ZNF185: variants seen among roughly 807,000 people sequenced by gnomAD.
ZNF185 encodes the protein zinc finger protein 185.
ZNF185 carries 56 observed loss-of-function variants against 58.6 expected under a neutral mutation model. That is an observed-to-expected ratio of 0.95 (90% CI 0.77 to 1.19). The LOEUF is 1.19. Ranked by LOEUF, ZNF185 falls within the 50% of genes most tolerant of loss-of-function variation. ZNF185 has a pLI of 0.00. For missense variants in ZNF185, 627 were observed against 573.5 expected, an observed-to-expected ratio of 1.09 and a Z score of -0.95; for synonymous variants, 230 against 215.9, an observed-to-expected ratio of 1.07 and a Z score of -0.57.
Position 152,918,085 on chromosome X carries a change from C to G in ZNF185, c.362C>G (p.Thr121Arg), listed in dbSNP as rs374903038. Residue 121 changes from threonine (T) to arginine (R), a missense_variant, in exon 6 of 23, where the codon ACA becomes AGA. Physicochemically the swap from Thr to Arg is moderately conservative, Grantham distance 71 (BLOSUM62 -1). Coordinates refer to ENST00000449285, the Ensembl canonical transcript of ZNF185. ...TCTAGTGCTGCCAGTCTGGTGAGAA[C>G]AGCTAACGCTGGTCCTCCCCGCCCC... 2.0e-5 allele frequency: 24 copies of G among 1,189,924 alleles called. No individual in the cohort carries two copies. The African/African-American group carries it at 4.2e-4, about 21-fold the overall frequency.
At chrX:152,940,273 G>C (rs917337553) in intron 15 of ZNF185, among the ~76,000 whole-genome samples, 32 of 110,593 alleles carry the variant, frequency 2.9e-4, no homozygotes, top group Non-Finnish European at 5.7e-4. Context: ...TGCCCAGGGT[G>C]GTTCACTTAC....
chrX:152,922,363 G>A (rs1556870089), intron 10 of ZNF185, 107 bp downstream of exon 11: 1 of 726,460 alleles, frequency 1.4e-6, no homozygotes, highest in Non-Finnish European at 2.0e-6. Context: ...TTCGAGATCA[G>A]TGTCCCCATG....
intron 14 of ZNF185, among the ~76,000 whole-genome samples, chrX:152,937,837 G>C (rs2046514043): frequency 8.9e-6 from 1 of 112,390 alleles, no homozygotes; most frequent in Admixed American, 9.4e-5. Context: ...GGGAACCCAA[G>C]TTGGTCAGGG....
At chrX:152,963,839 G>T in exon 18 of ZNF185, 1 of 1,208,829 alleles carries the variant, frequency 8.3e-7, no homozygotes, top group Non-Finnish European at 1.1e-6. Context: ...TTTCTTTCAG[G>T]GTGAGGAGCC....
At chrX:152,973,171 C>T (rs1275310658) in exon 23 of ZNF185, 2 of 111,945 alleles carry the variant, frequency 1.8e-5, no homozygotes, top group African/African-American at 3.2e-5. Flanking sequence ...AGTCTCAGTG[C>T]AGGACCAGTG....
chrX:152,940,870 G>T (rs1213319918), intron 15 of ZNF185, among the ~76,000 whole-genome samples: 2 of 112,392 alleles, frequency 1.8e-5, no homozygotes, highest in East Asian at 2.8e-4. Context: ...ATTGCTTCAA[G>T]GAGTCTGTTT....
chrX:152,906,200 G>C, the ZNF185 span, among the ~76,000 whole-genome samples: 1 of 112,636 alleles, frequency 8.9e-6, no homozygotes, highest in South Asian at 3.7e-4. Flanking sequence ...AGGTATCTAA[G>C]CTGAGGGATC....
At chrX:152,927,904 G>C (rs782095083) in intron 11 of ZNF185, among the ~76,000 whole-genome samples, 22 of 112,430 alleles carry the variant, frequency 2.0e-4, no homozygotes, top group Non-Finnish European at 9.4e-5. Flanking sequence ...TGGGGTGAAG[G>C]GTCCACCCCC....
rs898574274 is a variant in ZNF185 at position 152,945,146 on chromosome X, C to T, written c.1212-121C>T. 31 of 815,572 alleles carry T rather than the reference C, an allele frequency of 3.8e-5. No homozygotes were observed. In the African/African-American group the frequency reaches 6.2e-4, roughly 16 times the overall value. 67.2% of individuals were successfully genotyped at this position (815,572 alleles called of 1,213,427 possible). On this transcript the variant is annotated intron_variant, in intron 15 of 22. Transcript: ENST00000449285. Reference sequence around the variant, plus strand: ...GGGCTGTGCCTGGCTCCTTTCTGCCCCGCTTTCAGGGATATGAGTCCCTCC... The same window carrying T: ...GGGCTGTGCCTGGCTCCTTTCTGCCTCGCTTTCAGGGATATGAGTCCCTCC...
chrX:152,969,481 TA>T lies in ZNF185; in HGVS notation c.1973del (p.Lys658SerfsTer41). 1 of 1,196,369 alleles carries T rather than the reference TA, an allele frequency of 8.4e-7. No homozygotes were observed. Among genetic ancestry groups the T allele is most frequent in the Non-Finnish European group, 1.1e-6 (1 of 885,221 alleles). On this transcript the variant is annotated frameshift_variant and splice_region_variant, in exon 21 of 23. Coordinates refer to ENST00000449285, the Ensembl canonical transcript of ZNF185. LOFTEE classifies it high-confidence loss of function. ...GTATCTGCTGCCATGAATATTGCTTTAAGGTAAAAAAGAGGTGGAAGACACC... is the reference window on the plus strand; with the variant it reads ...GTATCTGCTGCCATGAATATTGCTTTAGGTAAAAAAGAGGTGGAAGACACC...
chrX:152,965,346 C>T, intron 18 of ZNF185, 101 bp from the exon 21 acceptor site: 1 of 736,275 alleles, frequency 1.4e-6, no homozygotes, highest in Non-Finnish European at 2.0e-6. Flanking sequence ...TTCCTTCAAA[C>T]CAGGCTGGGT....
intron 16 of ZNF185, among the ~76,000 whole-genome samples, chrX:152,952,234 G>C (rs2125831281): frequency 8.9e-6 from 1 of 112,136 alleles, no homozygotes; most frequent in South Asian, 3.6e-4. Flanking sequence ...TATTAAACTA[G>C]TTTTGTTTGC....
chrX:152,914,419 C>T, upstream of ZNF185: 12 of 974,780 alleles, frequency 1.2e-5, no homozygotes, highest in South Asian at 2.3e-5. Context: ...CATGAAGTGA[C>T]AGCATTTGCT....
At chrX:152,972,141 A>G (rs1396780815) in exon 23 of ZNF185, 1 of 112,224 alleles carries the variant, frequency 8.9e-6, no homozygotes, top group Non-Finnish European at 1.9e-5. Flanking sequence ...TCACAGAGTA[A>G]TGGCATTAAT....
intron 14 of ZNF185, among the ~76,000 whole-genome samples, chrX:152,937,544 C>T (rs909728556): frequency 2.7e-4 from 30 of 111,528 alleles, no homozygotes; most frequent in African/African-American, 6.2e-4. Context: ...TCTAGGTTCC[C>T]GTGCACCCGC....
intron 14 of ZNF185, 22 bp downstream of exon 16, chrX:152,936,535 T>C: frequency 1.8e-6 from 2 of 1,136,700 alleles, no homozygotes; most frequent in Non-Finnish European, 2.4e-6. Context: ...GCCACTGCCC[T>C]AGTGCCCTAT....
the ZNF185 span, among the ~76,000 whole-genome samples, chrX:152,901,019 C>T: frequency 9.8e-5 from 11 of 112,009 alleles, no homozygotes; most frequent in Non-Finnish European, 1.5e-4. Flanking sequence ...ATGGTGCCCT[C>T]CTTCAGGGCT....
At chrX:152,941,821 C>T (rs1556890037) in intron 15 of ZNF185, 2 of 1,156,441 alleles carry the variant, frequency 1.7e-6, no homozygotes, top group Non-Finnish European at 1.2e-6. Flanking sequence ...CTGGCTGCCC[C>T]TTCCCCCGCG....
intron 10 of ZNF185, among the ~76,000 whole-genome samples, chrX:152,922,504 T>C (rs1416271448): frequency 1.8e-5 from 2 of 111,916 alleles, no homozygotes; most frequent in Non-Finnish European, 3.8e-5. Flanking sequence ...AGTACGTATC[T>C]GTGTCACCTT....
Sources: gnomAD v4.1 joint callset for allele counts (sites outside exome capture counted in the v4.1 genomes callset) on GRCh38, gnomAD v4.1.1 for gene constraint, MANE v1.5 for transcripts, NCBI Gene and HGNC (gene_info 2026-07-23, HGNC 2026-07-21) for gene names.